Variants in ATL2 observed in about 807,000 individuals in gnomAD.
The protein encoded by ATL2 is atlastin GTPase 2.
Under a neutral mutation model 73.9 loss-of-function variants are expected in ATL2, and 31 were observed. The ratio of observed to expected loss-of-function variants is 0.42; its 90% CI spans 0.32 to 0.57. The LOEUF (loss-of-function observed/expected upper bound fraction) is 0.57, where lower values mean the gene tolerates loss of function less well. ATL2 is among the 20% of genes least tolerant of loss of function. The probability of loss-of-function intolerance (pLI) is 0.14; values close to 1 mark genes in which losing one functional copy is unlikely to be tolerated. For missense variants in ATL2, 738 were observed against 702.6 expected (o/e 1.05, Z -0.57); for synonymous variants, 291 against 237.5 (o/e 1.23, Z -2.07).
intron 1 of ATL2, among the ~76,000 whole-genome samples, chr2:38,350,970 A>G (rs1670303314): frequency 6.6e-6 from 1 of 152,234 alleles, no homozygotes; most frequent in Admixed American, 6.5e-5. Flanking sequence ...CTTCATTATA[A>G]TAAAATGTAG....
intron 1 of ATL2, among the ~76,000 whole-genome samples, chr2:38,357,978 A>G (rs915813045): frequency 1.3e-5 from 2 of 152,218 alleles, no homozygotes; most frequent in Non-Finnish European, 2.9e-5. Flanking sequence ...TATTTCCTCC[A>G]CAGCAGTGCT....
chr2:38,332,902 T>A (rs1669081656), intron 2 of ATL2, among the ~76,000 whole-genome samples: 2 of 152,148 alleles, frequency 1.3e-5, no homozygotes, highest in Non-Finnish European at 2.9e-5. Context: ...AACAAAGAAA[T>A]TCTGAAGCCA....
At position 38,296,119 on chromosome 2, in the gene ATL2, G is replaced by C. The variant is rs1666880566; in HGVS notation, c.1633-6C>G. On this transcript the variant is annotated splice_region_variant and splice_polypyrimidine_tract_variant and intron_variant, in intron 12 of 12. Transcript: ENST00000378954. ...TCACCCAGGGGCTTCAATACCTGTG[G>C]TATGAGAAATGTGCAAAACAAACAA... 1 of 1,545,904 alleles carries C rather than the reference G, an allele frequency of 6.5e-7. No individual in the cohort carries two copies. Among genetic ancestry groups the C allele is most frequent in the African/African-American group, 1.4e-5 (1 of 72,840 alleles).
intron 2 of ATL2, among the ~76,000 whole-genome samples, chr2:38,331,028 C>T (rs753549984): frequency 1.6e-4 from 25 of 152,120 alleles, no homozygotes; most frequent in Non-Finnish European, 2.2e-4. Context: ...CATGGCCGGG[C>T]GTGGTGGCTC....
intron 2 of ATL2, among the ~76,000 whole-genome samples, chr2:38,321,016 G>A (rs1487543617): frequency 2.6e-5 from 4 of 151,686 alleles, no homozygotes; most frequent in South Asian, 2.1e-4. Flanking sequence ...TTAGCCAGGC[G>A]TGGCGGCACA....
intron 1 of ATL2, among the ~76,000 whole-genome samples, chr2:38,373,270 G>C (rs1451175894): frequency 6.6e-6 from 1 of 152,160 alleles, no homozygotes; most frequent in African/African-American, 2.4e-5. Context: ...AATGTTACTA[G>C]AGAACCTAGA....
intron 9 of ATL2, among the ~76,000 whole-genome samples, chr2:38,307,621 T>A (rs1168268457): frequency 6.6e-6 from 1 of 151,988 alleles, no homozygotes; most frequent in African/African-American, 2.4e-5. Flanking sequence ...ACGAATGGGA[T>A]CATATCAAGT....
intron 5 of ATL2, 33 bp downstream of exon 5, chr2:38,315,250 TC>T: frequency 6.9e-7 from 1 of 1,450,642 alleles, no homozygotes. Context: ...AAACTCCATC[TC>T]AAAAAATAAA....
chr2:38,299,710 C>A (rs1294492558), intron 10 of ATL2, among the ~76,000 whole-genome samples: 1 of 152,184 alleles, frequency 6.6e-6, no homozygotes, highest in Non-Finnish European at 1.5e-5. Flanking sequence ...TTCAAACCCA[C>A]AAACCTTACT....
At chr2:38,323,363 T>TG (rs903237010) in intron 2 of ATL2, among the ~76,000 whole-genome samples, 11 of 141,158 alleles carry the variant, frequency 7.8e-5, no homozygotes, top group Non-Finnish European at 1.5e-4. Flanking sequence ...TTTTTTTTTT[T>TG]TTTTTTTTTT....
chr2:38,316,806 C>T (rs549582374), intron 4 of ATL2, among the ~76,000 whole-genome samples: 2 of 151,670 alleles, frequency 1.3e-5, no homozygotes. Flanking sequence ...AATAAATAAA[C>T]AAAAAAAGAC....
intron 1 of ATL2, among the ~76,000 whole-genome samples, chr2:38,362,337 C>T (rs1671060623): frequency 6.6e-6 from 1 of 152,160 alleles, no homozygotes; most frequent in Admixed American, 6.5e-5. Flanking sequence ...AAACTGCTTA[C>T]TAAAGAATGG....
At chr2:38,346,961 TA>T (rs539500855) in intron 1 of ATL2, among the ~76,000 whole-genome samples, 47 of 152,320 alleles carry the variant, frequency 3.1e-4, no homozygotes, top group African/African-American at 1.1e-3. Context: ...ACTTACTCCT[TA>T]AATCTCAGCT....
chr2:38,353,926 C>A (rs1270114626), intron 1 of ATL2: 1 of 174,212 alleles, frequency 5.7e-6, no homozygotes, highest in Non-Finnish European at 1.2e-5. Flanking sequence ...GGTGCGGTGG[C>A]TCACGCCTGT....
At chr2:38,353,558 A>AT (rs775604895) in intron 1 of ATL2, among the ~76,000 whole-genome samples, 7 of 152,234 alleles carry the variant, frequency 4.6e-5, no homozygotes, top group Non-Finnish European at 1.0e-4. Flanking sequence ...TGTTACCAAA[A>AT]TTTGATGACA....
At position 38,296,015 on chromosome 2, in the gene ATL2, A is replaced by T; in HGVS notation, c.1731T>A (p.His577Gln). Residue 577 changes from histidine (H) to glutamine (Q), a missense_variant, in exon 13 of 13, where the codon CAT (histidine) becomes CAA (glutamine). Physicochemically the swap from His to Gln is conservative, Grantham distance 24. Transcript: ENST00000378954. The stretch of plus-strand genomic sequence containing the variant: ...ACTGTCAGTCTGTCTTTAATCTGGC[A>T]TGATGAGACACCTGGTCAGTCAGGC... ...KAGLTDQVSHHARLKTD is the reference protein window; with the variant it reads ...KAGLTDQVSHQARLKTD 1 of 1,551,254 alleles carries T rather than the reference A, an allele frequency of 6.4e-7. No individual in the cohort carries two copies.
chr2:38,372,578 T>C (rs1671750869), intron 1 of ATL2, among the ~76,000 whole-genome samples: 1 of 152,174 alleles, frequency 6.6e-6, no homozygotes, highest in African/African-American at 2.4e-5. Flanking sequence ...AATCCTGCAA[T>C]TGAAATAAAC....
chr2:38,354,184 C>CAAAAAAAA (rs61343926), intron 1 of ATL2: 22 of 414,438 alleles, frequency 5.3e-5, no homozygotes, highest in African/African-American at 2.4e-4. Flanking sequence ...GACTCTGTCT[C>CAAAAAAAA]AAAAAAAAGC....
chr2:38,349,608 C>T (rs916114826), intron 1 of ATL2, among the ~76,000 whole-genome samples: 1 of 151,070 alleles, frequency 6.6e-6, no homozygotes, highest in African/African-American at 2.4e-5. Context: ...ACCAGCATGG[C>T]ACATGTATAC....
Sources: allele counts gnomAD v4.1 joint callset (sites outside exome capture counted in the v4.1 genomes callset), GRCh38; gene constraint gnomAD v4.1.1; transcripts MANE v1.5; gene names NCBI Gene and HGNC (gene_info 2026-07-23, HGNC 2026-07-21).